ERO1B: variants seen among roughly 807,000 people sequenced by gnomAD.
ERO1B encodes endoplasmic reticulum oxidoreductase 1 beta.
In ERO1B, 49 loss-of-function variants were observed where a neutral mutation model predicts 75.3. The ratio of observed to expected loss-of-function variants is 0.65; its 90% CI spans 0.52 to 0.83. The LOEUF is 0.83. Among genes scored for constraint, ERO1B ranks in the 40% least tolerant of loss-of-function variants. ERO1B has a pLI of 0.00. For missense variants in ERO1B, 512 were observed against 560.1 expected (o/e 0.91, Z 0.87); for synonymous variants, 191 against 192.9 (o/e 0.99, Z 0.08).
At chr1:236,279,998 T>C (rs1665794232) in intron 1 of ERO1B, among the ~76,000 whole-genome samples, 1 of 151,936 alleles carries the variant, frequency 6.6e-6, no homozygotes, top group Admixed American at 6.6e-5. Flanking sequence ...AAATTAAAAG[T>C]ACAGGGGCAG....
intron 8 of ERO1B, 101 bp from the exon 9 acceptor site, chr1:236,232,940 T>C: frequency 1.0e-6 from 1 of 989,528 alleles, no homozygotes; most frequent in East Asian, 2.8e-5. Context: ...ATTAATTATA[T>C]CACAAACCTT....
chr1:236,222,128 G>A, intron 13 of ERO1B, 118 bp from the exon 14 acceptor site: 2 of 830,758 alleles, frequency 2.4e-6, no homozygotes. Flanking sequence ...TTGTTTGTTT[G>A]AGAAGGAGTT....
At chr1:236,265,397 G>C (rs1271796023) in intron 2 of ERO1B, among the ~76,000 whole-genome samples, 2 of 152,096 alleles carry the variant, frequency 1.3e-5, no homozygotes, top group African/African-American at 4.8e-5. Context: ...ATTTGTGCTT[G>C]TATATGTGCA....
At chr1:236,253,055 G>A (rs1247916253) in intron 3 of ERO1B, among the ~76,000 whole-genome samples, 4 of 151,712 alleles carry the variant, frequency 2.6e-5, no homozygotes, top group East Asian at 1.9e-4. Context: ...GAAATATAGG[G>A]TCCAGTAGCT....
rs1205716990 is a variant in ERO1B at position 236,281,945 on chromosome 1, C to T, written c.-162G>A. Reference sequence around the variant, plus strand: ...GGCAGGCGACTCTTTCCCCAACACCCGGCAGCTGCGAGTGAGGCAGGAAAG... The same window carrying T: ...GGCAGGCGACTCTTTCCCCAACACCTGGCAGCTGCGAGTGAGGCAGGAAAG... On this transcript the variant is annotated 5_prime_UTR_variant, in exon 1 of 16. Coordinates refer to ENST00000354619, the MANE Select transcript of ERO1B (RefSeq NM_019891.4). The T allele has an allele frequency of 2.1e-5, 9 of 425,688 alleles. No individual in the cohort carries two copies. The East Asian group carries it at 3.2e-4, about 15-fold the overall frequency. 26.4% of individuals were successfully genotyped at this position (425,688 alleles called of 1,614,324 possible).
rs1031746276 is a variant in ERO1B at position 236,273,703 on chromosome 1, G to A, written c.103-3709C>T. Among the ~76,000 whole-genome samples, 7 of 151,616 alleles carry A rather than the reference G, an allele frequency of 4.6e-5. 1 individual carries two copies. Among genetic ancestry groups the A allele is most frequent in the African/African-American group, 9.7e-5 (4 of 41,318 alleles). On this transcript the variant is annotated intron_variant, in intron 1 of 15. Coordinates refer to ENST00000354619, the MANE Select transcript of ERO1B (RefSeq NM_019891.4). ...CATCTGTAGTCCCAGCTACTCAAGA[G>A]GCTGAGATGGGAGGATCACCTGAAC...
intron 12 of ERO1B, 75 bp downstream of exon 12, chr1:236,226,194 T>C (rs2102940345): frequency 6.7e-7 from 1 of 1,499,582 alleles, no homozygotes; most frequent in Middle Eastern, 1.8e-4. Context: ...TAGGAGTCAG[T>C]TTTTGTGTAC....
intron 6 of ERO1B, among the ~76,000 whole-genome samples, chr1:236,236,824 T>C (rs1664559155): frequency 6.6e-6 from 1 of 152,186 alleles, no homozygotes; most frequent in Non-Finnish European, 1.5e-5. Context: ...TAACATATAT[T>C]GTATTAAAAA....
At chr1:236,258,657 C>A (rs776177076) in intron 2 of ERO1B, among the ~76,000 whole-genome samples, 2 of 152,224 alleles carry the variant, frequency 1.3e-5, no homozygotes, top group South Asian at 2.1e-4. Flanking sequence ...GAGGCCGAAG[C>A]GGGTGGATCA....
At chr1:236,264,125 CAG>C (rs1320379901) in intron 2 of ERO1B, among the ~76,000 whole-genome samples, 5 of 152,008 alleles carry the variant, frequency 3.3e-5, no homozygotes, top group South Asian at 2.1e-4. Context: ...ATTTTTGAGA[CAG>C]AGTCTCGCTG....
At chr1:236,259,412 G>A (rs1310420181) in intron 2 of ERO1B, among the ~76,000 whole-genome samples, 1 of 152,116 alleles carries the variant, frequency 6.6e-6, no homozygotes, top group Admixed American at 6.5e-5. Context: ...GAATGCAAAT[G>A]GATTAAATTA....
At chr1:236,253,807 C>G (rs1288575231) in intron 2 of ERO1B, among the ~76,000 whole-genome samples, 1 of 152,270 alleles carries the variant, frequency 6.6e-6, no homozygotes, top group South Asian at 2.1e-4. Flanking sequence ...AACTGAGCAT[C>G]CACTATGTGT....
At chr1:236,227,914 C>G (rs771538029) in intron 10 of ERO1B, among the ~76,000 whole-genome samples, 10 of 152,220 alleles carry the variant, frequency 6.6e-5, no homozygotes, top group Admixed American at 1.3e-4. Flanking sequence ...GTAGCTTCCT[C>G]CCTAAAAGTA....
rs1558510818 is a variant in ERO1B, at chr1:236,239,823, G to GTGTATATATA, written c.506-3435_506-3426dup. Among the ~76,000 whole-genome samples the GTGTATATATA allele has an allele frequency of 3.5e-3, 406 of 115,802 alleles. 4 individuals are homozygous for GTGTATATATA. Among genetic ancestry groups the GTGTATATATA allele is most frequent in the African/African-American group, 0.012 (392 of 32,164 alleles). The allele number at this position is 115,802 out of a possible 152,430, so 76.0% of individuals were successfully genotyped here. The stretch of plus-strand genomic sequence containing the variant: ...TATATATATGTGTGTATATATATAT[G>GTGTATATATA]TGTATATATATGTGTATATATATAT... On this transcript the variant is annotated intron_variant, in intron 6 of 15. Coordinates refer to ENST00000354619, the MANE Select transcript of ERO1B (RefSeq NM_019891.4).
At chr1:236,244,424 G>A (rs1348191865) in intron 5 of ERO1B, among the ~76,000 whole-genome samples, 2 of 152,084 alleles carry the variant, frequency 1.3e-5, no homozygotes, top group Non-Finnish European at 1.5e-5. Flanking sequence ...CCCTATGGGA[G>A]TATATAATAA....
At chr1:236,239,911 A>ATAT (rs1553371310) in intron 6 of ERO1B, among the ~76,000 whole-genome samples, 1 of 106,960 alleles carries the variant, frequency 9.3e-6, no homozygotes, top group Non-Finnish European at 1.7e-5. Flanking sequence ...ATATATATAT[A>ATAT]TTTTTTTTTT....
chr1:236,235,798 GCGC>G lies in ERO1B; in HGVS notation c.661_663del (p.Ala221del). 1 of 1,611,672 alleles carries G rather than the reference GCGC, an allele frequency of 6.2e-7. No homozygotes were observed. The highest frequency in any genetic ancestry group is 8.5e-7 in the Non-Finnish European group (1 of 1,179,078). On this transcript the variant is annotated inframe_deletion, in exon 8 of 16. Transcript: ENST00000354619. ...CATATGAAAAACCTACCTCGGCTAGGCGCCAGAGGATTTAAAGGACGATAAACA... is the reference window on the plus strand; with the variant it reads ...CATATGAAAAACCTACCTCGGCTAGGCAGAGGATTTAAAGGACGATAAACA...
At chr1:236,262,178 A>G (rs1266756074) in intron 2 of ERO1B, among the ~76,000 whole-genome samples, 3 of 152,338 alleles carry the variant, frequency 2.0e-5, no homozygotes, top group Non-Finnish European at 4.4e-5. Flanking sequence ...AAATAAACCT[A>G]AGACTCCCAA....
chr1:236,230,252 TGA>T lies in ERO1B; in HGVS notation c.686-4_686-3del, dbSNP rs758014753. The T allele has an allele frequency of 3.9e-5, 62 of 1,590,914 alleles. No homozygotes were observed. Among genetic ancestry groups the T allele is most frequent in the East Asian group, 6.7e-5 (3 of 44,506 alleles). ...CTAGCCATGTGTAGAATGATTCTCC[TGA>T]GAGAGAGAGAAAAGTGGATTAAAAC... On this transcript the variant is annotated splice_polypyrimidine_tract_variant and splice_region_variant and intron_variant, in intron 9 of 15. Transcript: ENST00000354619.
Sources: gnomAD v4.1 joint callset for allele counts (sites outside exome capture counted in the v4.1 genomes callset) on GRCh38, gnomAD v4.1.1 for gene constraint, MANE v1.5 for transcripts, NCBI Gene and HGNC (gene_info 2026-07-23, HGNC 2026-07-21) for gene names.